The following LARGE1 variants were observed in gnomAD, a reference collection of about 807,000 sequenced individuals.
The protein encoded by LARGE1 is LARGE xylosyl- and glucuronyltransferase 1.
A neutral mutation model predicts 87.6 loss-of-function variants in LARGE1; 43 were observed. The ratio of observed to expected loss-of-function variants is 0.49; its 90% CI spans 0.38 to 0.63. The LOEUF (loss-of-function observed/expected upper bound fraction) is 0.63, where lower values mean the gene tolerates loss of function less well. LARGE1 is among the 30% of genes least tolerant of loss of function. The pLI is 0.00. For synonymous variants in LARGE1, 434 were observed against 394.6 expected, an observed-to-expected ratio of 1.10 and a Z score of -1.18; for missense variants, 802 against 1,000.2, an observed-to-expected ratio of 0.80 and a Z score of 2.67.
the LARGE1 span, among the ~76,000 whole-genome samples, chr22:33,141,751 G>A: frequency 6.6e-6 from 1 of 152,076 alleles, no homozygotes; most frequent in Non-Finnish European, 1.5e-5. Context: ...TATGCTTTTG[G>A]TATATGTAAG....
intron 2 of LARGE1, among the ~76,000 whole-genome samples, chr22:33,730,651 T>C (rs1429100723): frequency 6.6e-6 from 1 of 152,132 alleles, no homozygotes; most frequent in Non-Finnish European, 1.5e-5. Context: ...TGATGAGAAG[T>C]GGAGAGGGGG....
At chr22:33,168,777 C>A (rs1377654351) in intron 11 of LARGE1, among the ~76,000 whole-genome samples, 1 of 152,152 alleles carries the variant, frequency 6.6e-6, no homozygotes, top group Non-Finnish European at 1.5e-5. Context: ...TGAACTCATC[C>A]ATTTCCTAAG....
chr22:33,282,347 AAAACAAACAAACAAAAC>A (rs1221040770), intron 13 of LARGE1, among the ~76,000 whole-genome samples: 1 of 132,886 alleles, frequency 7.5e-6, no homozygotes, highest in Non-Finnish European at 1.7e-5. Flanking sequence ...CTCTGTCTCA[AAAACAAACAAACAAAAC>A]AAACAAACAA....
intron 6 of LARGE1, among the ~76,000 whole-genome samples, chr22:33,501,238 TAA>T (rs2070419408): frequency 6.6e-6 from 1 of 152,180 alleles, no homozygotes. Flanking sequence ...TCACCATCTG[TAA>T]AAGTTTATTA....
intron 5 of LARGE1, among the ~76,000 whole-genome samples, chr22:33,596,811 G>A (rs1209552271): frequency 6.6e-6 from 1 of 152,198 alleles, no homozygotes; most frequent in Non-Finnish European, 1.5e-5. Context: ...TATGTGCCAA[G>A]CATTGCTTTC....
chr22:33,264,889 CTTTTTTTTTT>C (rs200074908), intron 11 of LARGE1, among the ~76,000 whole-genome samples: 3 of 74,374 alleles, frequency 4.0e-5, no homozygotes, highest in East Asian at 4.8e-4. Flanking sequence ...TGATCAAATT[CTTTTTTTTTT>C]TTTTTTTTTT....
intron 6 of LARGE1, among the ~76,000 whole-genome samples, chr22:33,548,057 G>A (rs1242165609): frequency 1.3e-5 from 2 of 152,186 alleles, no homozygotes; most frequent in South Asian, 2.1e-4. Flanking sequence ...TTTGGGTTCT[G>A]TGTCCCCACC....
At chr22:33,841,814 T>G (rs1021747526) in intron 1 of LARGE1, among the ~76,000 whole-genome samples, 2 of 152,162 alleles carry the variant, frequency 1.3e-5, no homozygotes, top group African/African-American at 4.8e-5. Flanking sequence ...CAAGAGATCC[T>G]CAGCACAGGC....
At chr22:33,922,293 C>T (rs1369036104), upstream of LARGE1, 1 of 126,326 alleles carries the variant, frequency 7.9e-6, no homozygotes, top group African/African-American at 3.0e-5. Context: ...GCGGCAAGGG[C>T]TTCGGAGGCT....
At chr22:33,877,674 G>A (rs966971342) in intron 1 of LARGE1, among the ~76,000 whole-genome samples, 5 of 152,092 alleles carry the variant, frequency 3.3e-5, no homozygotes, top group African/African-American at 1.2e-4. Flanking sequence ...TGTAATCCCA[G>A]CAATTTGGGA....
At chr22:33,237,445 A>G (rs945335265) in intron 11 of LARGE1, among the ~76,000 whole-genome samples, 9 of 151,004 alleles carry the variant, frequency 6.0e-5, no homozygotes, top group African/African-American at 2.2e-4. Flanking sequence ...AGGAAAAAAA[A>G]GAATATTTAA....
intron 12 of LARGE1, among the ~76,000 whole-genome samples, chr22:33,294,720 C>A (rs1932991754): frequency 6.6e-6 from 1 of 152,158 alleles, no homozygotes; most frequent in Admixed American, 6.5e-5. Context: ...CCTCTCAGCC[C>A]TGCTGGGCTT....
chr22:33,446,809 C>G (rs1294201220), intron 6 of LARGE1, among the ~76,000 whole-genome samples: 1 of 152,204 alleles, frequency 6.6e-6, no homozygotes, highest in Admixed American at 6.5e-5. Context: ...ACCATCTGCA[C>G]AGAGGCAACG....
the LARGE1 span, among the ~76,000 whole-genome samples, chr22:33,091,077 C>T: frequency 5.9e-5 from 9 of 152,170 alleles, no homozygotes; most frequent in Non-Finnish European, 4.4e-5. Flanking sequence ...TTCAAATATT[C>T]GAAGACGATT....
At chr22:33,231,823 C>T (rs1926019470) in intron 11 of LARGE1, among the ~76,000 whole-genome samples, 1 of 152,208 alleles carries the variant, frequency 6.6e-6, no homozygotes, top group Non-Finnish European at 1.5e-5. Context: ...ACTACAACTA[C>T]TATTAGTACT....
In LARGE1 at chr22:33,700,234, T is replaced by G. The variant is rs556921498; in HGVS notation, c.107-49566A>C. Among the ~76,000 whole-genome samples, 23 of 152,194 alleles carry G rather than the reference T, an allele frequency of 1.5e-4. 2 individuals carry two copies. Among genetic ancestry groups the G allele is most frequent in the African/African-American group, 3.1e-4 (13 of 41,508 alleles). On this transcript the variant is annotated intron_variant, in intron 2 of 14. Transcript: ENST00000397394. ...CCCAAGACCTGCTAACTCAGACACT[T>G]GGGGAGAAGAAGGGGTTCCAACAAG...
At chr22:33,532,906 G>C (rs965456609) in intron 6 of LARGE1, among the ~76,000 whole-genome samples, 16 of 152,228 alleles carry the variant, frequency 1.1e-4, no homozygotes, top group Non-Finnish European at 2.2e-4. Context: ...GCATGAGCTA[G>C]TGCCCCAAAG....
intron 6 of LARGE1, among the ~76,000 whole-genome samples, chr22:33,475,533 C>T (rs2148148744): frequency 6.6e-6 from 1 of 151,932 alleles, no homozygotes; most frequent in South Asian, 2.1e-4. Context: ...ATGACTTAGG[C>T]TCACTGCAAC....
intron 6 of LARGE1, among the ~76,000 whole-genome samples, chr22:33,528,506 AAGGGTGG>A (rs1397882403): frequency 1.3e-5 from 2 of 152,184 alleles, no homozygotes; most frequent in Non-Finnish European, 2.9e-5. Flanking sequence ...AGCATTATCC[AAGGGTGG>A]AGGTTTTGAT....
Sources: allele counts gnomAD v4.1 joint callset (sites outside exome capture counted in the v4.1 genomes callset), GRCh38; gene constraint gnomAD v4.1.1; transcripts MANE v1.5; gene names NCBI Gene and HGNC (gene_info 2026-07-23, HGNC 2026-07-21).